Variants in SMARCC1 observed in about 807,000 individuals in gnomAD.
SMARCC1 encodes the protein SWI/SNF related BAF chromatin remodeling complex subunit C1.
In SMARCC1, 43 loss-of-function variants were observed where a neutral mutation model predicts 147.4. That is an observed-to-expected ratio of 0.29 (90% CI 0.23 to 0.38). SMARCC1 has a LOEUF of 0.38. Ranked by LOEUF, SMARCC1 falls within the 10% of genes least tolerant of loss-of-function variation. The probability of loss-of-function intolerance (pLI) is 1.00; values close to 1 mark genes in which losing one functional copy is unlikely to be tolerated. For synonymous variants in SMARCC1, 495 were observed against 484.4 expected (o/e 1.02, Z -0.29); for missense variants, 1,119 against 1,381.1 (o/e 0.81, Z 3.01).
chr3:47,746,807 T>C (rs977076925), intron 2 of SMARCC1, among the ~76,000 whole-genome samples: 3 of 150,536 alleles, frequency 2.0e-5, no homozygotes, highest in African/African-American at 4.9e-5. Flanking sequence ...CTCGGCTCAC[T>C]GCAACCTACG....
intron 17 of SMARCC1, among the ~76,000 whole-genome samples, chr3:47,675,962 T>G (rs1329320443): frequency 6.6e-6 from 1 of 151,592 alleles, no homozygotes; most frequent in Non-Finnish European, 1.5e-5. Context: ...AAAAAAAAGT[T>G]TAATATTGGC....
chr3:47,744,525 T>C (rs1366796694), intron 3 of SMARCC1, among the ~76,000 whole-genome samples: 3 of 152,192 alleles, frequency 2.0e-5, no homozygotes, highest in African/African-American at 7.2e-5. Flanking sequence ...TAAATATTTA[T>C]TTGCACTTCC....
intron 11 of SMARCC1, among the ~76,000 whole-genome samples, chr3:47,698,157 C>T (rs570922181): frequency 1.4e-5 from 2 of 138,756 alleles, no homozygotes; most frequent in Admixed American, 7.2e-5. Flanking sequence ...TCCAGGAATG[C>T]AAAGTTGATT....
intron 2 of SMARCC1, among the ~76,000 whole-genome samples, chr3:47,749,881 G>C (rs2034610099): frequency 6.6e-6 from 1 of 151,548 alleles, no homozygotes; most frequent in African/African-American, 2.4e-5. Context: ...AGGAGATCGA[G>C]ACCATCCTGG....
chr3:47,720,505 T>A (rs2034219279), intron 7 of SMARCC1, among the ~76,000 whole-genome samples, 161 bp downstream of exon 7: 1 of 152,170 alleles, frequency 6.6e-6, no homozygotes, highest in Non-Finnish European at 1.5e-5. Flanking sequence ...TTAAATTTTG[T>A]ACCTTAAATA....
intron 20 of SMARCC1, among the ~76,000 whole-genome samples, chr3:47,662,057 C>T (rs1436446522): frequency 3.3e-5 from 5 of 151,216 alleles, no homozygotes; most frequent in Admixed American, 6.6e-5. Flanking sequence ...TGCAGTGGCA[C>T]GATCTCGGCT....
At chr3:47,743,509 T>G (rs1175558925) in intron 3 of SMARCC1, among the ~76,000 whole-genome samples, 1 of 152,002 alleles carries the variant, frequency 6.6e-6, no homozygotes. Context: ...TGCAAGTGAT[T>G]TCAGATAAAA....
In SMARCC1 at chr3:47,766,960, G is replaced by A. The variant is rs375721690; in HGVS notation, c.315+5857C>T. On this transcript the variant is annotated intron_variant, in intron 2 of 27. Coordinates refer to ENST00000254480, the MANE Select transcript of SMARCC1 (RefSeq NM_003074.4). Reference sequence around the variant, plus strand: ...AGCACTTTGGGAAGCCGAGGCATGCGGATCACGAGGTCAGATCAAGACCAT... The same window carrying A: ...AGCACTTTGGGAAGCCGAGGCATGCAGATCACGAGGTCAGATCAAGACCAT... Among the ~76,000 whole-genome samples, 611 of 151,982 alleles carry A rather than the reference G, an allele frequency of 4.0e-3. 5 individuals carry two copies. The highest frequency in any genetic ancestry group is 0.013 in the African/African-American group (540 of 41,500).
chr3:47,778,455 C>T (rs1049862004), intron 1 of SMARCC1, among the ~76,000 whole-genome samples: 1 of 151,772 alleles, frequency 6.6e-6, no homozygotes, highest in Non-Finnish European at 1.5e-5. Flanking sequence ...TGGGACTACA[C>T]GTGCATGCCA....
intron 18 of SMARCC1, 31 bp from the exon 19 acceptor site, chr3:47,670,748 C>T: frequency 2.0e-5 from 27 of 1,368,674 alleles, no homozygotes; most frequent in Non-Finnish European, 2.8e-5. Flanking sequence ...ATTATTTGCT[C>T]ATTTTTAAAT....
At chr3:47,761,173 G>A (rs2034769504) in intron 2 of SMARCC1, among the ~76,000 whole-genome samples, 1 of 152,032 alleles carries the variant, frequency 6.6e-6, no homozygotes, top group East Asian at 1.9e-4. Flanking sequence ...GTGGTGGAAT[G>A]TGTCTGTGGT....
At chr3:47,618,774 G>A (rs989207354) in intron 25 of SMARCC1, among the ~76,000 whole-genome samples, 3 of 151,988 alleles carry the variant, frequency 2.0e-5, no homozygotes, top group Admixed American at 6.6e-5. Flanking sequence ...AAAAACCGGG[G>A]GACCTGCAGG....
chr3:47,772,921 C>T lies in SMARCC1; in HGVS notation c.211G>A (p.Ala71Thr), dbSNP rs773594590. 1.9e-6 allele frequency: 3 copies of T among 1,612,904 alleles called. No individual in the cohort carries two copies. Among genetic ancestry groups the T allele is most frequent in the Middle Eastern group, 1.6e-4 (1 of 6,084 alleles). ...KHYKKYVHAD[A>T]PTNKTLAGLV... Reference sequence around the variant, plus strand: ...CCAGCCAGTGTTTTATTGGTAGGAGCATCCGCATGAACATACTGCAAGATA... The same window carrying T: ...CCAGCCAGTGTTTTATTGGTAGGAGTATCCGCATGAACATACTGCAAGATA... Residue 71 changes from alanine (A) to threonine (T), a missense_variant, in exon 2 of 28, where the codon GCT (alanine) becomes ACT (threonine). Coordinates refer to ENST00000254480, the MANE Select transcript of SMARCC1 (RefSeq NM_003074.4).
At chr3:47,754,350 G>A (rs1295234613) in intron 2 of SMARCC1, among the ~76,000 whole-genome samples, 8 of 151,910 alleles carry the variant, frequency 5.3e-5, no homozygotes, top group East Asian at 1.9e-4. Context: ...CTGCAGGCGC[G>A]CACCACCACG....
At chr3:47,624,088 G>A (rs957377805) in intron 24 of SMARCC1, among the ~76,000 whole-genome samples, 8 of 151,916 alleles carry the variant, frequency 5.3e-5, no homozygotes, top group East Asian at 1.9e-4. Flanking sequence ...TCAGGAGTTC[G>A]AGACCAGCCC....
chr3:47,774,830 G>C (rs2034955802), intron 1 of SMARCC1, among the ~76,000 whole-genome samples: 1 of 151,618 alleles, frequency 6.6e-6, no homozygotes, highest in South Asian at 2.1e-4. Flanking sequence ...TTTCAAGACA[G>C]TGGTTTCTTG....
intron 11 of SMARCC1, among the ~76,000 whole-genome samples, chr3:47,693,574 GTTTT>G (rs577333937): frequency 6.6e-6 from 1 of 151,914 alleles, no homozygotes; most frequent in Non-Finnish European, 1.5e-5. Flanking sequence ...TTCCACAAAA[GTTTT>G]TTTTATTAAA....
chr3:47,751,022 T>C (rs2034622593), intron 2 of SMARCC1, among the ~76,000 whole-genome samples: 1 of 151,758 alleles, frequency 6.6e-6, no homozygotes, highest in African/African-American at 2.4e-5. Flanking sequence ...CTCAGCCTCC[T>C]GAGTAGCTGG....
At chr3:47,714,639 C>T (rs1388997967) in intron 7 of SMARCC1, 149 bp from the exon 8 acceptor site, 3 of 563,314 alleles carry the variant, frequency 5.3e-6, no homozygotes, top group Non-Finnish European at 9.6e-6. Flanking sequence ...CCAAAAAATA[C>T]AAAAATTAGC....
Sources: gnomAD v4.1 joint callset for allele counts (sites outside exome capture counted in the v4.1 genomes callset) on GRCh38, gnomAD v4.1.1 for gene constraint, MANE v1.5 for transcripts, NCBI Gene and HGNC (gene_info 2026-07-23, HGNC 2026-07-21) for gene names.